The following TNRC18 variants were observed in gnomAD, a reference collection of about 807,000 sequenced individuals.
The protein encoded by TNRC18 is trinucleotide repeat containing 18, also known as trinucleotide repeat-containing gene 18 protein.
TNRC18 carries 69 observed loss-of-function variants against 226.7 expected under a neutral mutation model. The ratio of observed to expected loss-of-function variants is 0.30; its 90% CI spans 0.25 to 0.37. The LOEUF (loss-of-function observed/expected upper bound fraction) is 0.37. Among genes scored for constraint, TNRC18 ranks in the 10% least tolerant of loss-of-function variants. The pLI, the probability that TNRC18 is intolerant of heterozygous loss-of-function variation, is 1.00. For synonymous variants in TNRC18, 2,449 were observed against 1,927.6 expected (o/e 1.27, Z -7.09); for missense variants, 4,754 against 4,256.6 (o/e 1.12, Z -3.25).
chr7:5,317,695 A>C (rs1389566033), intron 24 of TNRC18, among the ~76,000 whole-genome samples: 1 of 140,248 alleles, frequency 7.1e-6, no homozygotes, highest in African/African-American at 2.7e-5. Flanking sequence ...TCAGAGAATA[A>C]GAAAGAACTC....
intron 1 of TNRC18, among the ~76,000 whole-genome samples, 152 bp from the exon 2 acceptor site, chr7:5,421,641 C>T (rs1237581872): frequency 6.6e-6 from 1 of 152,224 alleles, no homozygotes; most frequent in Non-Finnish European, 1.5e-5. Flanking sequence ...GGGAGTAGCC[C>T]CTTTCCACTG....
intron 3 of TNRC18, among the ~76,000 whole-genome samples, chr7:5,393,205 C>T (rs923613121): frequency 3.9e-5 from 6 of 152,160 alleles, no homozygotes; most frequent in Admixed American, 3.9e-4. Flanking sequence ...GCAGGCTCTC[C>T]TCATCCAGAC....
intron 18 of TNRC18, among the ~76,000 whole-genome samples, chr7:5,344,340 C>A (rs1434995613): frequency 1.3e-5 from 2 of 152,188 alleles, no homozygotes; most frequent in African/African-American, 4.8e-5. Flanking sequence ...AGTGTGCACT[C>A]TGAAGACACC....
chr7:5,420,443 C>T (rs767548922), intron 2 of TNRC18: 1 of 454,890 alleles, frequency 2.2e-6, no homozygotes, highest in Admixed American at 2.4e-5. Context: ...GCCCTCCTAC[C>T]GGGGTGCAGG....
At chr7:5,320,014 G>A (rs1463322321) in intron 24 of TNRC18, 5 of 340,728 alleles carry the variant, frequency 1.5e-5, no homozygotes, top group Non-Finnish European at 2.3e-5. Flanking sequence ...ACTTGTGTGG[G>A]AAAACCGAGA....
At chr7:5,367,585 G>A (rs1305253024) in intron 11 of TNRC18, among the ~76,000 whole-genome samples, 5 of 151,160 alleles carry the variant, frequency 3.3e-5, no homozygotes, top group Admixed American at 6.6e-5. Flanking sequence ...CCGCCACCAC[G>A]CCCAGCTAAT....
rs1780556015 is a variant in TNRC18 at position 5,394,803 on chromosome 7, G to C, written c.188-208C>G. Reference sequence around the variant, plus strand: ...CCTGGATCAACCCAACCAGACCCAGGGCTTGAGAAAGCACAATACGGCAGG... The same window carrying C: ...CCTGGATCAACCCAACCAGACCCAGCGCTTGAGAAAGCACAATACGGCAGG... On this transcript the variant is annotated intron_variant, in intron 2 of 29. Coordinates refer to ENST00000430969, the MANE Select transcript of TNRC18 (RefSeq NM_001080495.3). The surrounding 1 kb of genome is among the most constrained non-coding windows in gnomAD (Gnocchi z 4.5). Among the ~76,000 whole-genome samples the C allele has an allele frequency of 6.6e-6, 1 of 152,026 alleles. No individual in the cohort carries two copies. Among genetic ancestry groups the C allele is most frequent in the South Asian group, 2.1e-4 (1 of 4,828 alleles).
Position 5,309,477 on chromosome 7 carries a change from C to T in TNRC18, c.8389-109G>A. ...CTGGGCCCTCGGCCTCTAAATCAAC[C>T]CCTATCCAACTGTGGGGAGATGAGG... On this transcript the variant is annotated intron_variant, in intron 27 of 29. Transcript: ENST00000430969. The surrounding 1 kb of genome is among the most constrained non-coding windows in gnomAD (Gnocchi z 5.7). 2.2e-6 allele frequency: 2 copies of T among 895,540 alleles called. No individual in the cohort carries two copies. 55.5% of individuals were successfully genotyped at this position (895,540 alleles called of 1,614,324 possible). A position where few individuals can be genotyped will look rare whatever the true frequency, so the allele number is the denominator to read the frequency against.
Position 5,388,320 on chromosome 7 carries a change from G to A in TNRC18, c.1504C>T (p.Pro502Ser). 1 of 1,601,540 alleles carries A rather than the reference G, an allele frequency of 6.2e-7. No homozygotes were observed. The highest frequency in any genetic ancestry group is 8.5e-7 in the Non-Finnish European group (1 of 1,175,440). ...KLFGLEPGRP[P>S]PTGPEHKWKP... ...CATTTATGCTCAGGGCCGGTGGGCGGGGGGCGCCCGGGCTCCAGGCCGAAG... is the reference window on the plus strand; with the variant it reads ...CATTTATGCTCAGGGCCGGTGGGCGAGGGGCGCCCGGGCTCCAGGCCGAAG... Residue 502 changes from proline to serine, a missense_variant, in exon 5 of 30, where the codon CCG becomes TCG. By Grantham distance (74) the Pro-to-Ser change is moderately conservative. Coordinates refer to ENST00000430969, the MANE Select transcript of TNRC18 (RefSeq NM_001080495.3).
At chr7:5,376,264 T>C (rs1794665997) in intron 8 of TNRC18, 40 bp from the exon 9 acceptor site, 2 of 1,412,692 alleles carry the variant, frequency 1.4e-6, no homozygotes, top group Non-Finnish European at 1.9e-6. Context: ...TGCGGCCTGA[T>C]GCTCCACCAC....
chr7:5,353,151 C>A (rs1183034717), intron 16 of TNRC18, among the ~76,000 whole-genome samples: 1 of 152,232 alleles, frequency 6.6e-6, no homozygotes, highest in East Asian at 1.9e-4. Flanking sequence ...TCAAAGTGCG[C>A]TCTCTCTTGT....
At chr7:5,356,361 CACAG>C (rs1562538018) in intron 16 of TNRC18, among the ~76,000 whole-genome samples, 1 of 152,034 alleles carries the variant, frequency 6.6e-6, no homozygotes, top group Non-Finnish European at 1.5e-5. Flanking sequence ...TCAGAGCTGC[CACAG>C]ACACAGTAAC....
intron 10 of TNRC18, among the ~76,000 whole-genome samples, chr7:5,372,604 A>C (rs1188084832): frequency 6.6e-6 from 1 of 152,066 alleles, no homozygotes; most frequent in Admixed American, 6.6e-5. Flanking sequence ...AATCCGAGCT[A>C]CTTCACAGGC....
At chr7:5,308,843 A>AAC in intron 29 of TNRC18, 32 bp downstream of exon 29, 4 of 835,954 alleles carry the variant, frequency 4.8e-6, no homozygotes, top group Non-Finnish European at 5.8e-6. Flanking sequence ...GCCATCCCCA[A>AAC]CCCGCCCACC....
At chr7:5,365,829 G>A (rs1793560704) in intron 11 of TNRC18, among the ~76,000 whole-genome samples, 1 of 151,944 alleles carries the variant, frequency 6.6e-6, no homozygotes, top group Non-Finnish European at 1.5e-5. Context: ...CAGCATTTTG[G>A]GAGGCCGAGG....
chr7:5,414,237 T>C (rs1480667890), intron 2 of TNRC18, among the ~76,000 whole-genome samples: 1 of 151,850 alleles, frequency 6.6e-6, no homozygotes, highest in Non-Finnish European at 1.5e-5. Context: ...ATGAACCCCG[T>C]GCCCAGCCTC....
intron 17 of TNRC18, among the ~76,000 whole-genome samples, chr7:5,347,004 G>A (rs990135325): frequency 2.0e-5 from 3 of 151,912 alleles, no homozygotes; most frequent in African/African-American, 4.8e-5. Context: ...TAAGCACTCG[G>A]GCAGTAGAAG....
chr7:5,400,835 A>G (rs1449704623), intron 2 of TNRC18, among the ~76,000 whole-genome samples: 1 of 152,070 alleles, frequency 6.6e-6, no homozygotes, highest in Non-Finnish European at 1.5e-5. Context: ...TCAGCCCAGG[A>G]GTTCAAGACC....
intron 21 of TNRC18, among the ~76,000 whole-genome samples, chr7:5,322,452 C>T (rs969291193): frequency 4.6e-5 from 7 of 152,150 alleles, no homozygotes; most frequent in Non-Finnish European, 8.8e-5. Context: ...GTGCACACCA[C>T]CATGCCTGGC....
Sources: gnomAD v4.1 joint callset for allele counts (sites outside exome capture counted in the v4.1 genomes callset) on GRCh38, gnomAD v4.1.1 for gene constraint, Gnocchi (gnomAD v3.1) non-coding constraint, MANE v1.5 for transcripts, NCBI Gene and HGNC (gene_info 2026-07-23, HGNC 2026-07-21) for gene names.